Variants in CFAP100 observed in about 807,000 individuals in gnomAD.
The protein encoded by CFAP100 is cilia- and flagella-associated protein 100.
CFAP100 carries 70 observed loss-of-function variants against 81.5 expected under a neutral mutation model. That is an observed-to-expected ratio of 0.86 (90% CI 0.71 to 1.05). The LOEUF is 1.05. Ranked by LOEUF, CFAP100 falls within the 50% of genes least tolerant of loss-of-function variation. The pLI is 0.00. For synonymous variants in CFAP100, 341 were observed against 314.8 expected (o/e 1.08, Z -0.88); for missense variants, 811 against 776.5 (o/e 1.04, Z -0.53).
rs899288689 is a variant in CFAP100, at chr3:126,404,801, A to G, written c.50-2371A>G. Among the ~76,000 whole-genome samples the G allele has an allele frequency of 6.6e-5, 10 of 152,226 alleles. No individual in the cohort carries two copies. In the South Asian group the frequency reaches 8.3e-4, roughly 13 times the overall value. ...GCGATTCTCCTGCCTCAGCCTCCCA[A>G]TGAGCTGGGACTACAGGTGCACACC... On this transcript the variant is annotated intron_variant, in intron 2 of 16. Coordinates refer to ENST00000352312, the MANE Select transcript of CFAP100 (RefSeq NM_182628.3).
intron 13 of CFAP100, among the ~76,000 whole-genome samples, chr3:126,424,425 G>A (rs2083380800): frequency 6.6e-6 from 1 of 152,252 alleles, no homozygotes; most frequent in African/African-American, 2.4e-5. Flanking sequence ...GAGAAGTCAG[G>A]TGGCTGCCCA....
chr3:126,408,164 G>A (rs758914566), intron 3 of CFAP100, among the ~76,000 whole-genome samples: 2 of 152,146 alleles, frequency 1.3e-5, no homozygotes, highest in Non-Finnish European at 2.9e-5. Flanking sequence ...ACTCAAATGT[G>A]CCCATTTGCT....
intron 3 of CFAP100, among the ~76,000 whole-genome samples, chr3:126,412,374 G>A (rs191481179): frequency 2.7e-4 from 41 of 152,198 alleles, no homozygotes; most frequent in African/African-American, 8.9e-4. Flanking sequence ...AGGCCCTTTC[G>A]CCATAGAAGG....
chr3:126,410,664 C>T (rs561026461), intron 3 of CFAP100, among the ~76,000 whole-genome samples: 12 of 152,280 alleles, frequency 7.9e-5, no homozygotes, highest in Non-Finnish European at 1.8e-4. Flanking sequence ...CCCTGTCCAG[C>T]CTTTTTATTT....
At chr3:126,421,910 G>GC (rs1388131042) in intron 11 of CFAP100, among the ~76,000 whole-genome samples, 1 of 152,240 alleles carries the variant, frequency 6.6e-6, no homozygotes, top group African/African-American at 2.4e-5. Flanking sequence ...GCGTTGAGGA[G>GC]CAGAGGTTCT....
At chr3:126,411,191 T>C (rs1233183534) in intron 3 of CFAP100, among the ~76,000 whole-genome samples, 3 of 152,222 alleles carry the variant, frequency 2.0e-5, no homozygotes, top group Non-Finnish European at 4.4e-5. Context: ...ATCACATGTA[T>C]TGACTTGTGT....
In CFAP100 at chr3:126,436,459, GA is replaced by G; in HGVS notation, c.*57del. 1.4e-6 allele frequency: 2 copies of G among 1,421,934 alleles called. No individual in the cohort carries two copies. Among genetic ancestry groups the G allele is most frequent in the Middle Eastern group, 1.9e-4 (1 of 5,266 alleles). The allele number at this position is 1,421,934 out of a possible 1,614,324, so 88.1% of individuals were successfully genotyped here. A position where few individuals can be genotyped will look rare whatever the true frequency, so the allele number is the denominator to read the frequency against. On this transcript the variant is annotated 3_prime_UTR_variant, in exon 17 of 17. Transcript: ENST00000352312. ...AGGCTTAGCAAAGATGTTGGCAGAG[GA>G]AGCAGAGACTGGGCTGGGTCTCGAG... is the stretch of plus-strand genomic sequence containing the variant.
chr3:126,418,016 C>T, intron 5 of CFAP100: 1 of 166,166 alleles, frequency 6.0e-6, no homozygotes, highest in South Asian at 1.6e-4. Context: ...GCAGTGTAGA[C>T]TCAGCCTCTG....
rs77551105 is a variant in CFAP100, at chr3:126,402,783, C to T, written c.50-4389C>T. Among the ~76,000 whole-genome samples the T allele has an allele frequency of 4.9e-3, 736 of 151,210 alleles. 5 individuals are homozygous for T. The highest frequency in any genetic ancestry group is 0.017 in the African/African-American group (700 of 41,130). ...AAATGAGAAGACTTGGTTAATATGCCTGCCTTCCAGGAGTTTACTGCCTGG... is the reference window on the plus strand; with the variant it reads ...AAATGAGAAGACTTGGTTAATATGCTTGCCTTCCAGGAGTTTACTGCCTGG... On this transcript the variant is annotated intron_variant, in intron 2 of 16. Transcript: ENST00000352312.
chr3:126,412,408 T>C (rs1167385161), intron 3 of CFAP100, among the ~76,000 whole-genome samples: 1 of 152,164 alleles, frequency 6.6e-6, no homozygotes, highest in Admixed American at 6.5e-5. Context: ...GGTTTGGGGA[T>C]TAGGGCACGG....
intron 16 of CFAP100, 25 bp downstream of exon 16, chr3:126,435,677 C>T (rs1394912835): frequency 6.3e-7 from 1 of 1,593,762 alleles, no homozygotes; most frequent in Admixed American, 1.7e-5. Context: ...CTTGGGGGGT[C>T]TCTGCTGGAG....
chr3:126,421,206 G>C (rs954739426), intron 11 of CFAP100, among the ~76,000 whole-genome samples: 3 of 152,166 alleles, frequency 2.0e-5, no homozygotes, highest in Non-Finnish European at 2.9e-5. Flanking sequence ...GTTTTGCCAT[G>C]TTGGGCAGGC....
chr3:126,404,833 C>A (rs2083038892), intron 2 of CFAP100, among the ~76,000 whole-genome samples: 1 of 152,112 alleles, frequency 6.6e-6, no homozygotes, highest in African/African-American at 2.4e-5. Context: ...CACCACCACG[C>A]CTGGTTAATA....
In CFAP100 at chr3:126,419,703, G is replaced by A; in HGVS notation, c.798G>A (p.Leu266=). 6.2e-7 allele frequency: 1 copy of A among 1,614,126 alleles called. No individual in the cohort carries two copies. The highest frequency in any genetic ancestry group is 8.5e-7 in the Non-Finnish European group (1 of 1,180,032). Residue 266 remains leucine, a synonymous_variant, in exon 9 of 17, where the codon CTG becomes CTA. Transcript: ENST00000352312. The part of the protein sequence containing the change: ...YKVYKDFLYK[L]SPKEWLEEQE... ...TCTATAAGGATTTCCTATACAAGCT[G>A]TCGCCCAAGGAGTGGCTTGAAGAAC...
Position 126,423,344 on chromosome 3 carries a change from C to A in CFAP100, c.1102C>A (p.Pro368Thr), listed in dbSNP as rs766257746. 2.5e-6 allele frequency: 4 copies of A among 1,613,484 alleles called. No individual in the cohort carries two copies. The highest frequency in any genetic ancestry group is 1.7e-5 in the Admixed American group (1 of 59,944). ...DSRGSNSPIPPTQEDTDSDGE... is the reference protein window; with the variant it reads ...DSRGSNSPIPTTQEDTDSDGE... ...TCGCAGGTCGAACTCTCCCATCCCC[C>A]CCACGCAGGAGGACACCGACAGCGA... Residue 368 changes from proline (P) to threonine (T), a missense_variant, in exon 12 of 17, where the codon CCC (proline) becomes ACC (threonine). Coordinates refer to ENST00000352312, the MANE Select transcript of CFAP100 (RefSeq NM_182628.3).
intron 11 of CFAP100, among the ~76,000 whole-genome samples, chr3:126,421,246 C>T (rs1356252328): frequency 2.6e-5 from 4 of 152,196 alleles, no homozygotes; most frequent in East Asian, 1.9e-4. Flanking sequence ...TCAGGTGATC[C>T]GCCCGCCTCA....
chr3:126,432,136 G>A (rs371631171), intron 13 of CFAP100, among the ~76,000 whole-genome samples: 123 of 151,966 alleles, frequency 8.1e-4, no homozygotes, highest in African/African-American at 2.2e-3. Context: ...AAAATTAGCC[G>A]GGCGTGGTGG....
chr3:126,418,249 G>A (rs2083272917), intron 5 of CFAP100: 1 of 585,642 alleles, frequency 1.7e-6, no homozygotes, highest in Non-Finnish European at 3.0e-6. Context: ...CCGGACTCTG[G>A]CCATGGAGAA....
chr3:126,399,376 G>A (rs529944541), intron 2 of CFAP100, among the ~76,000 whole-genome samples: 1 of 152,142 alleles, frequency 6.6e-6, no homozygotes. Flanking sequence ...GTTCAATATT[G>A]CACTAGAAGT....
Sources: gnomAD v4.1 joint callset for allele counts (sites outside exome capture counted in the v4.1 genomes callset) on GRCh38, gnomAD v4.1.1 for gene constraint, MANE v1.5 for transcripts, NCBI Gene and HGNC (gene_info 2026-07-23, HGNC 2026-07-21) for gene names.